ZNF804B: variants seen among roughly 807,000 people sequenced by gnomAD.
ZNF804B encodes the protein zinc finger 804B.
In ZNF804B, 80 loss-of-function variants were observed where a neutral mutation model predicts 101.4. That is an observed-to-expected ratio of 0.79 (90% CI 0.66 to 0.95). The LOEUF (loss-of-function observed/expected upper bound fraction) is 0.95, where lower values mean the gene tolerates loss of function less well. Among genes scored for constraint, ZNF804B ranks in the 40% least tolerant of loss-of-function variants. ZNF804B has a pLI of 0.00. For missense variants in ZNF804B, 1,673 were observed against 1,561.9 expected, an observed-to-expected ratio of 1.07 and a Z score of -1.20; for synonymous variants, 622 against 558.8, an observed-to-expected ratio of 1.11 and a Z score of -1.59.
rs564929728 is a variant in ZNF804B, at chr7:88,955,037, G to GATCTCTTGAGCTCAGGAGT, written c.108+194954_108+194972dup. 1.5e-4 allele frequency among the ~76,000 whole-genome samples: 22 copies of GATCTCTTGAGCTCAGGAGT among 150,724 alleles called. No individual in the cohort carries two copies. In the South Asian group the frequency reaches 4.6e-3, roughly 32 times the overall value. On this transcript the variant is annotated intron_variant, in intron 1 of 3. Transcript: ENST00000333190. ...GCTCTTAGGGTGGCTGAGGCGGGAGGATCTCTTGAGCTCAGGAGTTTAAAC... is the reference window on the plus strand; with the variant it reads ...GCTCTTAGGGTGGCTGAGGCGGGAGGATCTCTTGAGCTCAGGAGTATCTCTTGAGCTCAGGAGTTTAAAC...
At chr7:89,123,017 A>G (rs1485265881) in intron 1 of ZNF804B, among the ~76,000 whole-genome samples, 1 of 152,058 alleles carries the variant, frequency 6.6e-6, no homozygotes, top group African/African-American at 2.4e-5. Flanking sequence ...CTATGGACTG[A>G]GCCCTGACAC....
chr7:89,178,482 C>A (rs1788239274), intron 1 of ZNF804B, among the ~76,000 whole-genome samples: 1 of 152,084 alleles, frequency 6.6e-6, no homozygotes, highest in Non-Finnish European at 1.5e-5. Flanking sequence ...TATAACCCAT[C>A]ATTTTAAACT....
At chr7:88,777,446 A>C (rs1790159065) in intron 1 of ZNF804B, among the ~76,000 whole-genome samples, 1 of 152,380 alleles carries the variant, frequency 6.6e-6, no homozygotes, top group African/African-American at 2.4e-5. Context: ...TCAAGCCAGC[A>C]GTTTACAGGC....
chr7:88,890,364 G>A (rs1792198322), intron 1 of ZNF804B, among the ~76,000 whole-genome samples: 1 of 152,156 alleles, frequency 6.6e-6, no homozygotes, highest in East Asian at 1.9e-4. Flanking sequence ...TACATAGACA[G>A]GAGTTTGCAT....
chr7:88,895,697 T>A (rs1792274111), intron 1 of ZNF804B, among the ~76,000 whole-genome samples: 1 of 152,138 alleles, frequency 6.6e-6, no homozygotes, highest in African/African-American at 2.4e-5. Flanking sequence ...AAAGTAAGGA[T>A]GTGCTCAGTA....
At chr7:89,084,574 A>G (rs944023210) in intron 1 of ZNF804B, among the ~76,000 whole-genome samples, 24 of 151,932 alleles carry the variant, frequency 1.6e-4, no homozygotes, top group African/African-American at 5.8e-4. Flanking sequence ...TTATTCCATT[A>G]GTATTAGAAC....
At chr7:89,094,530 G>C (rs1368650218) in intron 1 of ZNF804B, among the ~76,000 whole-genome samples, 1 of 151,954 alleles carries the variant, frequency 6.6e-6, no homozygotes, top group Non-Finnish European at 1.5e-5. Context: ...GAGAAGATAT[G>C]GGTACACTCA....
chr7:89,221,388 A>G (rs1280874743), intron 2 of ZNF804B, among the ~76,000 whole-genome samples: 2 of 151,994 alleles, frequency 1.3e-5, no homozygotes, highest in African/African-American at 2.4e-5. Flanking sequence ...GTCTCATGCA[A>G]CAGTGGAATT....
intron 1 of ZNF804B, among the ~76,000 whole-genome samples, chr7:88,823,913 A>G (rs1583959691): frequency 6.6e-6 from 1 of 152,154 alleles, no homozygotes; most frequent in Non-Finnish European, 1.5e-5. Flanking sequence ...TGGCCACCCC[A>G]GAAAGAATGA....
At chr7:88,760,160 A>G in intron 1 of ZNF804B, 76 bp downstream of exon 1, 1 of 1,211,894 alleles carries the variant, frequency 8.3e-7, no homozygotes, top group Non-Finnish European at 1.2e-6. Flanking sequence ...GAGAGATAGT[A>G]TCCTGATACA....
intron 1 of ZNF804B, among the ~76,000 whole-genome samples, chr7:88,851,255 T>G (rs1459077938): frequency 6.6e-6 from 1 of 152,056 alleles, no homozygotes; most frequent in Non-Finnish European, 1.5e-5. Context: ...TTCTCAATTT[T>G]ATAAAAGCTA....
chr7:89,272,216 TCA>T (rs1310066423), intron 2 of ZNF804B, among the ~76,000 whole-genome samples: 3 of 152,188 alleles, frequency 2.0e-5, no homozygotes, highest in Admixed American at 2.0e-4. Context: ...GAATTTGATC[TCA>T]GTCTTCTAAG....
intron 1 of ZNF804B, among the ~76,000 whole-genome samples, chr7:89,086,072 A>T (rs1378609059): frequency 1.3e-5 from 2 of 151,848 alleles, no homozygotes; most frequent in East Asian, 1.9e-4. Context: ...TAAATAGGAG[A>T]TAGTTGGTGA....
intron 2 of ZNF804B, among the ~76,000 whole-genome samples, chr7:89,254,943 G>T (rs2115797217): frequency 6.6e-6 from 1 of 152,320 alleles, no homozygotes; most frequent in South Asian, 2.1e-4. Context: ...ACCACGCTCA[G>T]CCAGGACTGT....
rs1007824672 is a variant in ZNF804B, at chr7:89,335,256, A to G, written c.2274A>G (p.Leu758=). 1.2e-6 allele frequency: 2 copies of G among 1,613,742 alleles called. No homozygotes were observed. The highest frequency in any genetic ancestry group is 1.6e-4 in the Middle Eastern group (1 of 6,084). ...TTGAAAGGCACAAACGGAAATGTCT[A>G]AAGCACAACTGCTTCTACTTGTCTG... The part of the protein sequence containing the change: ...HSVERHKRKC[L]KHNCFYLSDD... The change falls in exon 4 of 4, where the codon CTA becomes CTG. Residue 758 remains leucine, a synonymous_variant. Transcript: ENST00000333190.
chr7:89,189,611 G>T (rs1788425598), intron 1 of ZNF804B, among the ~76,000 whole-genome samples: 1 of 152,062 alleles, frequency 6.6e-6, no homozygotes, highest in Non-Finnish European at 1.5e-5. Context: ...TAGAGTGTAT[G>T]GGCCACAGTG....
At chr7:89,194,539 A>G (rs2115625655) in intron 1 of ZNF804B, among the ~76,000 whole-genome samples, 1 of 149,930 alleles carries the variant, frequency 6.7e-6, no homozygotes, top group Admixed American at 6.7e-5. Flanking sequence ...ATGGCTAGCC[A>G]GTTTTCCCAG....
chr7:88,830,959 A>C (rs1196471212), intron 1 of ZNF804B, among the ~76,000 whole-genome samples: 1 of 151,912 alleles, frequency 6.6e-6, no homozygotes, highest in Non-Finnish European at 1.5e-5. Context: ...AAGCATTAGG[A>C]ATATCAGCTC....
intron 1 of ZNF804B, among the ~76,000 whole-genome samples, chr7:89,156,031 T>C (rs1295917781): frequency 1.8e-5 from 1 of 54,068 alleles, no homozygotes; most frequent in Non-Finnish European, 4.5e-5. Flanking sequence ...TTTCTTTCTT[T>C]CTTTCTTTCT....
Sources: gnomAD v4.1 joint callset for allele counts (sites outside exome capture counted in the v4.1 genomes callset) on GRCh38, gnomAD v4.1.1 for gene constraint, MANE v1.5 for transcripts, NCBI Gene and HGNC (gene_info 2026-07-23, HGNC 2026-07-21) for gene names.